AGL: variants seen among roughly 807,000 people sequenced by gnomAD.
AGL encodes the protein glycogen debranching enzyme.
Under a neutral mutation model 199.3 loss-of-function variants are expected in AGL, and 128 were observed. The ratio of observed to expected loss-of-function variants is 0.64; its 90% CI spans 0.56 to 0.74. The LOEUF (loss-of-function observed/expected upper bound fraction) is 0.74. AGL is among the 30% of genes least tolerant of loss of function. AGL has a pLI of 0.00. For synonymous variants in AGL, 584 were observed against 594.7 expected (o/e 0.98, Z 0.26); for missense variants, 1,809 against 1,820.8 (o/e 0.99, Z 0.12).
chr1:99,849,851 A>C (rs923008013), upstream of AGL, among the ~76,000 whole-genome samples: 2 of 152,192 alleles, frequency 1.3e-5, no homozygotes, highest in Non-Finnish European at 2.9e-5. Context: ...CCTACTGTGC[A>C]GCTCAACCTA....
rs1651318367 is a variant in AGL, at chr1:99,874,461, CTG to C, written c.959-224_959-223del. On this transcript the variant is annotated intron_variant, in intron 7 of 33. Transcript: ENST00000361915. ...TCTTTCTTTTATGTTATTTTTGTCTCTGTTTCTTTCTCCCCCACACCCCTCGT... is the reference window on the plus strand; with the variant it reads ...TCTTTCTTTTATGTTATTTTTGTCTCTTTCTTTCTCCCCCACACCCCTCGT... The C allele has an allele frequency of 3.6e-5, 16 of 448,396 alleles. No homozygotes were observed. In the South Asian group the frequency reaches 3.7e-4, roughly 10 times the overall value. The allele number at this position is 448,396 out of a possible 1,614,324, so 27.8% of individuals were successfully genotyped here. A position where few individuals can be genotyped will look rare whatever the true frequency, so the allele number is the denominator to read the frequency against.
rs1655520073 is a variant in AGL, at chr1:99,921,634, A to G, written c.4582A>G (p.Thr1528Ala). Residue 1528 changes from threonine to alanine, a missense_variant, in exon 34 of 34, where the codon ACA (threonine) becomes GCA (alanine). By Grantham distance (58) the Thr-to-Ala change is moderately conservative. Coordinates refer to ENST00000361915, the MANE Select transcript of AGL (RefSeq NM_000642.3). Reference sequence around the variant, plus strand: ...CTGGTCAATTGCTACTATTCTTGAGACACTTTATGATTTATAGTTTATTAC... The same window carrying G: ...CTGGTCAATTGCTACTATTCTTGAGGCACTTTATGATTTATAGTTTATTAC... ...QAWSIATILE[T>A]LYDL 3 of 1,607,274 alleles carry G rather than the reference A, an allele frequency of 1.9e-6. No individual in the cohort carries two copies. The South Asian group carries it at 3.3e-5, about 18-fold the overall frequency.
At chr1:99,886,303 C>T (rs1652449122) in intron 20 of AGL, among the ~76,000 whole-genome samples, 1 of 152,060 alleles carries the variant, frequency 6.6e-6, no homozygotes, top group Admixed American at 6.6e-5. Flanking sequence ...TAGTGAGACC[C>T]TATCTCTACA....
At chr1:99,896,603 T>C (rs1653344019) in intron 25 of AGL, among the ~76,000 whole-genome samples, 3 of 152,206 alleles carry the variant, frequency 2.0e-5, no homozygotes, top group Admixed American at 6.5e-5. Context: ...GTCCTTCATA[T>C]TACAAGTCAG....
At chr1:99,899,540 C>CTT in intron 25 of AGL, among the ~76,000 whole-genome samples, 1 of 150,126 alleles carries the variant, frequency 6.7e-6, no homozygotes, top group African/African-American at 2.5e-5. Flanking sequence ...TTCTCTCTCT[C>CTT]TTTCTCTCTC....
chr1:99,920,231 A>T (rs1163874374), intron 33 of AGL, among the ~76,000 whole-genome samples: 4 of 152,218 alleles, frequency 2.6e-5, no homozygotes, highest in Non-Finnish European at 5.9e-5. Context: ...ATTGTCTCAC[A>T]GTTCTGGAGG....
In AGL at chr1:99,900,685, A is replaced by G. The variant is rs376159841; in HGVS notation, c.3412A>G (p.Asn1138Asp). 3 of 1,614,106 alleles carry G rather than the reference A, an allele frequency of 1.9e-6. No homozygotes were observed. Among genetic ancestry groups the G allele is most frequent in the East Asian group, 2.2e-5 (1 of 44,868 alleles). Reference protein sequence around the residue: ...AGTLRHGLIPNLLGEGIYARY... With the variant: ...AGTLRHGLIPDLLGEGIYARY... ...TACCCTGAGGCATGGTCTCATTCCT[A>G]ATCTACTGGGTGAAGGAATTTATGC... Residue 1138 changes from asparagine (N) to aspartate (D), a missense_variant, in exon 26 of 34, where the codon AAT (asparagine) becomes GAT (aspartate). Transcript: ENST00000361915.
intron 2 of AGL, among the ~76,000 whole-genome samples, chr1:99,854,483 C>T (rs940850224): frequency 6.6e-6 from 1 of 152,146 alleles, no homozygotes; most frequent in Non-Finnish European, 1.5e-5. Context: ...TAATTTGAAG[C>T]CGGGTGCGGT....
intron 26 of AGL, among the ~76,000 whole-genome samples, chr1:99,902,137 T>A (rs1167942836): frequency 6.6e-6 from 1 of 152,178 alleles, no homozygotes; most frequent in Non-Finnish European, 1.5e-5. Flanking sequence ...ACCTTATTTT[T>A]AAAAATATAA....
chr1:99,893,094 C>G (rs1213124195), intron 24 of AGL, among the ~76,000 whole-genome samples: 1 of 152,092 alleles, frequency 6.6e-6, no homozygotes, highest in Non-Finnish European at 1.5e-5. Flanking sequence ...AAACCTGAAT[C>G]AAGTAACAAA....
chr1:99,913,383 T>G, intron 29 of AGL, 144 bp from the exon 30 acceptor site: 2 of 708,090 alleles, frequency 2.8e-6, no homozygotes, highest in Non-Finnish European at 4.9e-6. Flanking sequence ...CACATCTCAA[T>G]TCAGACTGGC....
chr1:99,910,441 G>A (rs565506656), intron 27 of AGL, among the ~76,000 whole-genome samples: 6 of 152,146 alleles, frequency 3.9e-5, no homozygotes, highest in Non-Finnish European at 7.4e-5. Flanking sequence ...CAATGTGGCA[G>A]TGAATATCCT....
At chr1:99,859,193 A>T (rs1216564115) in intron 2 of AGL, among the ~76,000 whole-genome samples, 1 of 152,184 alleles carries the variant, frequency 6.6e-6, no homozygotes. Context: ...TTCTTGTGAG[A>T]TGTAAATGTT....
Position 99,851,127 on chromosome 1 carries a change from C to G in AGL, c.82+3C>G. On this transcript the variant is annotated splice_donor_region_variant and intron_variant, in intron 2 of 33. Transcript: ENST00000361915. ...GACCCTCTTCAGACTTGAACAAGGT[C>G]AGTAGCAAGTTGTTTTGATTTGCTC... The G allele has an allele frequency of 6.2e-7, 1 of 1,612,802 alleles. No individual in the cohort carries two copies. The highest frequency in any genetic ancestry group is 1.1e-5 in the South Asian group (1 of 91,032).
intron 2 of AGL, among the ~76,000 whole-genome samples, chr1:99,854,919 G>A (rs1305189289): frequency 6.7e-6 from 1 of 149,962 alleles, no homozygotes; most frequent in Non-Finnish European, 1.5e-5. Flanking sequence ...GAGAGGACAA[G>A]GCCAGGCGCG....
At chr1:99,852,132 T>G (rs1166495287) in intron 2 of AGL, among the ~76,000 whole-genome samples, 1 of 152,170 alleles carries the variant, frequency 6.6e-6, no homozygotes, top group Non-Finnish European at 1.5e-5. Context: ...CTGCTAGGAA[T>G]TCTTTTTCTG....
chr1:99,895,929 C>T (rs557168605), intron 24 of AGL, among the ~76,000 whole-genome samples: 35 of 152,190 alleles, frequency 2.3e-4, no homozygotes, highest in Non-Finnish European at 3.4e-4. Flanking sequence ...TGACGCAAGA[C>T]TGTGCCACTG....
chr1:99,855,257 AG>A (rs59934398), intron 2 of AGL, among the ~76,000 whole-genome samples: 2,047 of 152,272 alleles, frequency 0.013, 56 homozygotes, highest in African/African-American at 0.047. Context: ...TCAAGTTCAG[AG>A]GACTTGGTAA....
intron 27 of AGL, among the ~76,000 whole-genome samples, 158 bp from the exon 28 acceptor site, chr1:99,910,554 T>G (rs1167828973): frequency 6.6e-6 from 1 of 152,144 alleles, no homozygotes; most frequent in Non-Finnish European, 1.5e-5. Context: ...TTTGTGCTTG[T>G]ATATTCTGGA....
Sources: allele counts gnomAD v4.1 joint callset (sites outside exome capture counted in the v4.1 genomes callset), GRCh38; gene constraint gnomAD v4.1.1; transcripts MANE v1.5; gene names NCBI Gene and HGNC (gene_info 2026-07-23, HGNC 2026-07-21).